The following AGO3 variants were observed in gnomAD, a reference collection of about 807,000 sequenced individuals.
AGO3 encodes protein argonaute-3.
In AGO3, 16 loss-of-function variants were observed where a neutral mutation model predicts 105.5. The ratio of observed to expected loss-of-function variants is 0.15; its 90% CI spans 0.10 to 0.23. The LOEUF is 0.23. Ranked by LOEUF, AGO3 falls within the 10% of genes least tolerant of loss-of-function variation. AGO3 has a pLI of 1.00. For synonymous variants in AGO3, 340 were observed against 367.3 expected (o/e 0.93, Z 0.85); for missense variants, 534 against 1,088.0 (o/e 0.49, Z 7.16).
intron 5 of AGO3, among the ~76,000 whole-genome samples, chr1:36,000,536 C>T: frequency 6.6e-6 from 1 of 151,996 alleles, no homozygotes; most frequent in Admixed American, 6.6e-5. Context: ...GTTGTGAAGG[C>T]TGGTGTTATA....
At chr1:35,960,209 T>A (rs868404526) in intron 2 of AGO3, among the ~76,000 whole-genome samples, 21 of 152,206 alleles carry the variant, frequency 1.4e-4, no homozygotes, top group Middle Eastern at 3.4e-3. Flanking sequence ...TTCTAAAGAG[T>A]GTTTTTTCTC....
intron 9 of AGO3, chr1:36,013,374 C>A: frequency 3.2e-6 from 1 of 313,990 alleles, no homozygotes; most frequent in Non-Finnish European, 5.9e-6. Context: ...CATGCCAGGC[C>A]AAAATGTATT....
rs1557721918 is a variant in AGO3, at chr1:36,062,453, A to C, written c.*6708A>C. 6.6e-6 allele frequency: 1 copy of C among 152,238 alleles called. No individual in the cohort carries two copies. The highest frequency in any genetic ancestry group is 1.5e-5 in the Non-Finnish European group (1 of 68,042). 9.4% of individuals were successfully genotyped at this position (152,238 alleles called of 1,614,324 possible). On this transcript the variant is annotated 3_prime_UTR_variant, in exon 19 of 19. Coordinates refer to ENST00000373191, the MANE Select transcript of AGO3 (RefSeq NM_024852.4). Reference sequence around the variant, plus strand: ...GAGAAATTTTCTTTTCTAGACACCAAGGAATATTTTAAATGATTTTTTATT... The same window carrying C: ...GAGAAATTTTCTTTTCTAGACACCACGGAATATTTTAAATGATTTTTTATT...
At chr1:36,030,884 T>C (rs573319184) in intron 12 of AGO3, among the ~76,000 whole-genome samples, 14 of 152,220 alleles carry the variant, frequency 9.2e-5, no homozygotes, top group Non-Finnish European at 1.9e-4. Flanking sequence ...CCCTAGACTT[T>C]TTAATATATA....
intron 5 of AGO3, among the ~76,000 whole-genome samples, chr1:35,978,813 TTGG>T (rs1168489029): frequency 5.3e-5 from 8 of 152,194 alleles, no homozygotes; most frequent in African/African-American, 1.9e-4. Context: ...TTTCATTTTG[TTGG>T]TGGAAATATT....
chr1:35,992,731 G>GT (rs1235080164), intron 5 of AGO3, among the ~76,000 whole-genome samples: 1 of 152,188 alleles, frequency 6.6e-6, no homozygotes, highest in Non-Finnish European at 1.5e-5. Context: ...TTTTATGTCT[G>GT]TGTTAGTTAT....
At position 36,017,665 on chromosome 1, in the gene AGO3, G is replaced by A. The variant is rs373496319; in HGVS notation, c.1406+3617G>A. Reference sequence around the variant, plus strand: ...CCTGTAATCTGCAATCACTTTGGGAGGCTGAGGTGGGCAGATTGCTTGAGC... The same window carrying A: ...CCTGTAATCTGCAATCACTTTGGGAAGCTGAGGTGGGCAGATTGCTTGAGC... On this transcript the variant is annotated intron_variant, in intron 11 of 18. Transcript: ENST00000373191. 5.9e-5 allele frequency among the ~76,000 whole-genome samples: 9 copies of A among 152,264 alleles called. No individual in the cohort carries two copies. In the South Asian group the frequency reaches 1.0e-3, roughly 18 times the overall value.
At chr1:35,931,007 T>C, upstream of AGO3, 2 of 355,856 alleles carry the variant, frequency 5.6e-6, no homozygotes, top group Non-Finnish European at 1.0e-5. Context: ...TGCCCCGACG[T>C]CGCTCCGGCA....
rs752335246 is a variant in AGO3 at position 36,008,808 on chromosome 1, G to A, written c.881+31G>A. On this transcript the variant is annotated intron_variant, in intron 7 of 18. Coordinates refer to ENST00000373191, the MANE Select transcript of AGO3 (RefSeq NM_024852.4). This position sits in a 1 kb window ranked among gnomAD's most constrained non-coding sequence, Gnocchi z 5.1. Reference sequence around the variant, plus strand: ...AAAAGTTTGTCAGAGCAGCGATGGTGTGAGGCAGCTTGCTCTAGTTAGTGG... The same window carrying A: ...AAAAGTTTGTCAGAGCAGCGATGGTATGAGGCAGCTTGCTCTAGTTAGTGG... 3 of 1,613,928 alleles carry A rather than the reference G, an allele frequency of 1.9e-6. No homozygotes were observed. In the South Asian group the frequency reaches 3.3e-5, roughly 18 times the overall value.
At position 36,058,921 on chromosome 1, in the gene AGO3, C is replaced by T. The variant is rs925948889; in HGVS notation, c.*3176C>T. The stretch of plus-strand genomic sequence containing the variant: ...TACCCAAGATGATAAAAATTTAATT[C>T]GTCTATGCTTGATCAGTGTGAGTAA... On this transcript the variant is annotated 3_prime_UTR_variant, in exon 19 of 19. Transcript: ENST00000373191. 4 of 151,988 alleles carry T rather than the reference C, an allele frequency of 2.6e-5. No individual in the cohort carries two copies. Among genetic ancestry groups the T allele is most frequent in the African/African-American group, 4.8e-5 (2 of 41,384 alleles). The allele number at this position is 151,988 out of a possible 1,614,324, so 9.4% of individuals were successfully genotyped here.
chr1:36,052,869 G>C (rs1165799093), intron 17 of AGO3, among the ~76,000 whole-genome samples: 5 of 152,074 alleles, frequency 3.3e-5, no homozygotes, highest in Non-Finnish European at 1.5e-5. Flanking sequence ...AAAATTAGCT[G>C]GGTGTGGTGG....
intron 17 of AGO3, among the ~76,000 whole-genome samples, chr1:36,045,311 TCC>T (rs1642418283): frequency 3.3e-5 from 5 of 152,092 alleles, no homozygotes; most frequent in Admixed American, 3.3e-4. Context: ...AACCTCTGTC[TCC>T]CAGGTTCAAG....
rs746987961 is a variant in AGO3, at chr1:35,945,696, C to T, written c.24C>T (p.Pro8=). 20 of 1,610,974 alleles carry T rather than the reference C, an allele frequency of 1.2e-5. No individual in the cohort carries two copies. Among genetic ancestry groups the T allele is most frequent in the East Asian group, 4.5e-5 (2 of 44,874 alleles). The change falls in exon 2 of 19, where the codon CCC becomes CCT. Residue 8 remains proline, a synonymous_variant. Transcript: ENST00000373191. MEIGSAG[P]AGAQPLLMVP... is the part of the protein sequence containing the mutation. ...TTTTTCCCTTTCCCCTGGCAGGACC[C>T]GCTGGGGCCCAGCCCCTACTCATGG...
chr1:35,966,613 T>A (rs1312664347), intron 2 of AGO3, among the ~76,000 whole-genome samples: 1 of 152,200 alleles, frequency 6.6e-6, no homozygotes, highest in African/African-American at 2.4e-5. Flanking sequence ...AGAGGAAAGA[T>A]TACTCTTGGA....
chr1:36,003,007 G>A (rs937421882), intron 5 of AGO3, among the ~76,000 whole-genome samples: 1 of 151,958 alleles, frequency 6.6e-6, no homozygotes, highest in African/African-American at 2.4e-5. Flanking sequence ...GGAGGGGGAG[G>A]TTGCAGTGAG....
chr1:35,933,657 A>G (rs1252950403), intron 1 of AGO3, among the ~76,000 whole-genome samples: 5 of 150,954 alleles, frequency 3.3e-5, no homozygotes, highest in South Asian at 2.1e-4. Flanking sequence ...AAAAAAAAAA[A>G]AAAAAAAAAA....
intron 3 of AGO3, among the ~76,000 whole-genome samples, chr1:35,970,622 C>T (rs1646848270): frequency 6.6e-6 from 1 of 151,722 alleles, no homozygotes; most frequent in African/African-American, 2.4e-5. Flanking sequence ...ATTAGAGCTT[C>T]CTTTTTCTTT....
intron 11 of AGO3, among the ~76,000 whole-genome samples, chr1:36,015,340 C>A (rs1640850694): frequency 6.6e-6 from 1 of 152,206 alleles, no homozygotes; most frequent in Non-Finnish European, 1.5e-5. Context: ...CCTCCAGGAA[C>A]CTTTGTGTGT....
intron 5 of AGO3, among the ~76,000 whole-genome samples, chr1:35,979,761 TTATC>T (rs1346435158): frequency 6.6e-6 from 1 of 152,318 alleles, no homozygotes; most frequent in East Asian, 1.9e-4. Context: ...AAATTCTACA[TTATC>T]TAATAAAAAG....
Sources: gnomAD v4.1 joint callset for allele counts (sites outside exome capture counted in the v4.1 genomes callset) on GRCh38, gnomAD v4.1.1 for gene constraint, Gnocchi (gnomAD v3.1) non-coding constraint, MANE v1.5 for transcripts, NCBI Gene and HGNC (gene_info 2026-07-23, HGNC 2026-07-21) for gene names.